Variants in CATSPERB observed in about 807,000 individuals in gnomAD.
CATSPERB encodes the protein cation channel sperm-associated auxiliary subunit beta.
CATSPERB carries 93 observed loss-of-function variants against 128.3 expected under a neutral mutation model. The observed-to-expected ratio is 0.72, with a 90% CI of 0.61 to 0.86. The LOEUF (loss-of-function observed/expected upper bound fraction) is 0.86. CATSPERB is among the 40% of genes least tolerant of loss of function. The probability of loss-of-function intolerance (pLI) is 0.00; values close to 1 mark genes in which losing one functional copy is unlikely to be tolerated. For missense variants in CATSPERB, 1,153 were observed against 1,329.5 expected (o/e 0.87, Z 2.06); for synonymous variants, 381 against 448.8 (o/e 0.85, Z 1.91).
intron 17 of CATSPERB, among the ~76,000 whole-genome samples, 194 bp from the exon 18 acceptor site, chr14:91,625,201 T>C (rs938022689): frequency 1.3e-5 from 2 of 152,228 alleles, no homozygotes; most frequent in African/African-American, 4.8e-5. Context: ...CCTCTAAAAT[T>C]AGCGAAGATC....
chr14:91,701,850 G>A (rs966702856), intron 7 of CATSPERB, among the ~76,000 whole-genome samples: 2 of 151,222 alleles, frequency 1.3e-5, no homozygotes, highest in African/African-American at 4.9e-5. Context: ...GTTTGAGGCT[G>A]TAGTGAGCCA....
chr14:91,714,126 T>A (rs1895889964), intron 5 of CATSPERB, among the ~76,000 whole-genome samples: 1 of 151,980 alleles, frequency 6.6e-6, no homozygotes, highest in South Asian at 2.1e-4. Flanking sequence ...TCGGCAAACT[T>A]GTAATGAAGG....
At chr14:91,720,997 A>G (rs1210357936) in intron 4 of CATSPERB, among the ~76,000 whole-genome samples, 1 of 152,200 alleles carries the variant, frequency 6.6e-6, no homozygotes, top group African/African-American at 2.4e-5. Flanking sequence ...CTTTTCTACA[A>G]GTCATGCTAG....
Position 91,636,492 on chromosome 14 carries a change from C to T in CATSPERB, c.1675G>A (p.Glu559Lys), listed in dbSNP as rs143234075. ...TTGCTGTAGATCGTTTCCTGGGGTTCGTTCTCAGGTACATATGCAAAAAAG... is the reference window on the plus strand; with the variant it reads ...TTGCTGTAGATCGTTTCCTGGGGTTTGTTCTCAGGTACATATGCAAAAAAG... ...IIFFAYVPEN[E>K]PQETIYSKKF... The change falls in exon 17 of 27, where the codon GAA becomes AAA. Residue 559 changes from glutamate (E) to lysine (K), a missense_variant. Glu to Lys is a moderately conservative substitution (Grantham distance 56). Transcript: ENST00000256343. 4 of 1,613,844 alleles carry T rather than the reference C, an allele frequency of 2.5e-6. No homozygotes were observed. The highest frequency in any genetic ancestry group is 1.3e-5 in the African/African-American group (1 of 74,862).
intron 22 of CATSPERB, among the ~76,000 whole-genome samples, chr14:91,603,731 T>C (rs1411807865): frequency 2.0e-5 from 3 of 151,420 alleles, no homozygotes; most frequent in African/African-American, 7.3e-5. Flanking sequence ...GAGCAGGAGG[T>C]AGAGAGAGAA....
Position 91,651,691 on chromosome 14 carries a change from G to A in CATSPERB, c.1432+8146C>T, listed in dbSNP as rs1242338435. ...CAATTACTCAAATTATCTCTGTGGC[G>A]AGTGTGGGATGCAGTGTCTGTGGAG... On this transcript the variant is annotated intron_variant, in intron 15 of 26. Coordinates refer to ENST00000256343, the MANE Select transcript of CATSPERB (RefSeq NM_024764.4). 2.6e-5 allele frequency among the ~76,000 whole-genome samples: 4 copies of A among 152,146 alleles called. No homozygotes were observed. In the East Asian group the frequency reaches 5.8e-4, roughly 22 times the overall value.
chr14:91,610,476 T>G lies in CATSPERB; in HGVS notation c.2598+4A>C. On this transcript the variant is annotated splice_donor_region_variant and intron_variant, in intron 21 of 26. Transcript: ENST00000256343. ...AACCAATATACTTAGATTTTTTTTT[T>G]TACCGGCAAAGTTTTGATGAGGTTA... 6.2e-7 allele frequency: 1 copy of G among 1,609,334 alleles called. No individual in the cohort carries two copies. The highest frequency in any genetic ancestry group is 8.5e-7 in the Non-Finnish European group (1 of 1,178,818).
chr14:91,713,574 G>A (rs1895879906), intron 5 of CATSPERB, among the ~76,000 whole-genome samples: 1 of 152,160 alleles, frequency 6.6e-6, no homozygotes, highest in Non-Finnish European at 1.5e-5. Context: ...CAACTTAGAT[G>A]AAATGGACAT....
chr14:91,697,881 G>T (rs1024064172), intron 7 of CATSPERB, among the ~76,000 whole-genome samples: 18 of 152,106 alleles, frequency 1.2e-4, no homozygotes, highest in Non-Finnish European at 2.4e-4. Context: ...TGTTCCATAT[G>T]AATTTTAGAC....
chr14:91,625,098 C>A (rs1242282753), intron 17 of CATSPERB, 91 bp from the exon 18 acceptor site: 18 of 703,424 alleles, frequency 2.6e-5, no homozygotes, highest in Non-Finnish European at 4.0e-5. Flanking sequence ...AGAAAGTATA[C>A]CACAAATAAC....
intron 7 of CATSPERB, among the ~76,000 whole-genome samples, chr14:91,696,640 G>A (rs1363883041): frequency 1.3e-5 from 2 of 152,138 alleles, no homozygotes; most frequent in African/African-American, 2.4e-5. Flanking sequence ...TGAGATAAAC[G>A]AAGGTTTTGT....
At chr14:91,687,205 T>C (rs1187415467) in intron 10 of CATSPERB, among the ~76,000 whole-genome samples, 1 of 152,152 alleles carries the variant, frequency 6.6e-6, no homozygotes, top group Admixed American at 6.5e-5. Flanking sequence ...TCAGTCTATA[T>C]CTTTTTGTAA....
chr14:91,692,664 G>C (rs544201125), intron 9 of CATSPERB, among the ~76,000 whole-genome samples: 12 of 152,042 alleles, frequency 7.9e-5, no homozygotes, highest in Non-Finnish European at 1.3e-4. Flanking sequence ...GGTAATTTTT[G>C]AGAGGTACTT....
In CATSPERB at chr14:91,606,552, T is replaced by A. The variant is rs572864654; in HGVS notation, c.2709+1742A>T. ...CACTCCAGCCTGCGTGACAGAGCGA[T>A]ACTCCGTCTCAAAACTAAACAAAAC... On this transcript the variant is annotated intron_variant, in intron 22 of 26. Transcript: ENST00000256343. Among the ~76,000 whole-genome samples the A allele has an allele frequency of 2.2e-3, 341 of 152,326 alleles. 1 individual carries two copies. The highest frequency in any genetic ancestry group is 3.2e-3 in the Non-Finnish European group (217 of 68,024).
chr14:91,606,710 A>G (rs1944721970), intron 22 of CATSPERB, among the ~76,000 whole-genome samples: 1 of 152,248 alleles, frequency 6.6e-6, no homozygotes, highest in Non-Finnish European at 1.5e-5. Context: ...ATTAGAGTCC[A>G]TGAAGCTACC....
At chr14:91,590,462 C>T (rs940472770) in intron 23 of CATSPERB, among the ~76,000 whole-genome samples, 8 of 151,922 alleles carry the variant, frequency 5.3e-5, no homozygotes, top group African/African-American at 9.7e-5. Flanking sequence ...ATCCAGGAGG[C>T]GGAGGTTGCG....
rs114763877 is a variant in CATSPERB, at chr14:91,670,231, A to G, written c.1129-259T>C. On this transcript the variant is annotated intron_variant, in intron 13 of 26. Transcript: ENST00000256343. ...TATAATTAACAGCAAAGAGAGGTTT[A>G]TTATAGAATCACTGCTGAACTTGCC... is the stretch of plus-strand genomic sequence containing the variant. 2.4e-3 allele frequency among the ~76,000 whole-genome samples: 372 copies of G among 152,334 alleles called. 2 individuals carry two copies. The highest frequency in any genetic ancestry group is 8.6e-3 in the African/African-American group (356 of 41,558).
intron 22 of CATSPERB, chr14:91,605,463 C>G: frequency 2.2e-6 from 1 of 446,066 alleles, no homozygotes; most frequent in Non-Finnish European, 4.0e-6. Context: ...TGAAGTGAGT[C>G]GCCGCCACAG....
At chr14:91,637,938 T>C (rs938183075) in intron 16 of CATSPERB, among the ~76,000 whole-genome samples, 9 of 152,168 alleles carry the variant, frequency 5.9e-5, no homozygotes, top group Admixed American at 2.0e-4. Flanking sequence ...TTTGTATAAA[T>C]GCGGAATTCA....
Sources: gnomAD v4.1 joint callset for allele counts (sites outside exome capture counted in the v4.1 genomes callset) on GRCh38, gnomAD v4.1.1 for gene constraint, MANE v1.5 for transcripts, NCBI Gene and HGNC (gene_info 2026-07-23, HGNC 2026-07-21) for gene names.